HELQ: variants seen among roughly 807,000 people sequenced by gnomAD.
HELQ encodes the protein helicase POLQ-like.
A neutral mutation model predicts 111.6 loss-of-function variants in HELQ; 77 were observed. That is an observed-to-expected ratio of 0.69 (90% confidence interval 0.57 to 0.83). The LOEUF is 0.83. Ranked by LOEUF, HELQ falls within the 40% of genes least tolerant of loss-of-function variation. The pLI is 0.00. For synonymous variants in HELQ, 438 were observed against 454.7 expected, an observed-to-expected ratio of 0.96 and a Z score of 0.47; for missense variants, 1,200 against 1,288.5, an observed-to-expected ratio of 0.93 and a Z score of 1.05.
chr4:83,441,203 T>C, intron 7 of HELQ, 102 bp downstream of exon 7: 2 of 673,510 alleles, frequency 3.0e-6, no homozygotes, highest in South Asian at 1.8e-5. Context: ...ATCAGCTGTT[T>C]CTCTGAAAAA....
chr4:83,455,834 G>T (rs915795717), upstream of HELQ: 1 of 874,452 alleles, frequency 1.1e-6, no homozygotes. Flanking sequence ...AGGGCTCGCG[G>T]ACCGGAAGCA....
At chr4:83,450,802 C>A (rs930017257) in intron 2 of HELQ, among the ~76,000 whole-genome samples, 17 of 152,034 alleles carry the variant, frequency 1.1e-4, no homozygotes, top group African/African-American at 3.4e-4. Context: ...CCTATCTCTA[C>A]AAAATATAAA....
At chr4:83,432,446 T>C (rs1336046009) in intron 9 of HELQ, among the ~76,000 whole-genome samples, 179 bp from the exon 10 acceptor site, 1 of 151,752 alleles carries the variant, frequency 6.6e-6, no homozygotes, top group Non-Finnish European at 1.5e-5. Flanking sequence ...TCTATAATTC[T>C]TACAAAACTC....
rs991982970 is a variant in HELQ at position 83,412,026 on chromosome 4, G to T, written c.3199-4466C>A. On this transcript the variant is annotated intron_variant, in intron 17 of 17. Transcript: ENST00000295488. ...ACCTAGCAGCAAACATGGGTTTATT[G>T]CTTATGGAAAAGGGAGAATGACTCA... Among the ~76,000 whole-genome samples the T allele has an allele frequency of 5.0e-4, 76 of 152,158 alleles. 1 individual carries two copies. Among genetic ancestry groups the T allele is most frequent in the African/African-American group, 1.7e-3 (72 of 41,438 alleles).
At chr4:83,447,148 G>C in intron 3 of HELQ, 113 bp from the exon 4 acceptor site, 1 of 694,852 alleles carries the variant, frequency 1.4e-6, no homozygotes, top group Non-Finnish European at 2.4e-6. Context: ...AGGAAGGTGA[G>C]ACCAGCCTGG....
At chr4:83,447,097 C>A (rs1176324685) in intron 3 of HELQ, 62 bp from the exon 4 acceptor site, 1 of 748,030 alleles carries the variant, frequency 1.3e-6, no homozygotes, top group South Asian at 1.8e-5. Flanking sequence ...CCTGTAATCC[C>A]AGTACCTTGG....
intron 1 of HELQ, 51 bp downstream of exon 1, chr4:83,455,346 T>C (rs906629768): frequency 6.3e-7 from 1 of 1,588,414 alleles, no homozygotes; most frequent in African/African-American, 1.3e-5. Flanking sequence ...ACTCTTTGCA[T>C]CTGGGAAGGA....
intron 15 of HELQ, among the ~76,000 whole-genome samples, chr4:83,420,963 C>T (rs993680306): frequency 1.4e-4 from 22 of 151,962 alleles, no homozygotes; most frequent in Admixed American, 2.6e-4. Context: ...TGTGCCACCA[C>T]GCCTGGCTAA....
intron 16 of HELQ, 32 bp from the exon 17 acceptor site, chr4:83,416,897 T>C (rs1375788486): frequency 6.4e-7 from 1 of 1,554,010 alleles, no homozygotes; most frequent in Non-Finnish European, 8.7e-7. Flanking sequence ...AGTAGGATAA[T>C]AGTTTGGGAT....
intron 12 of HELQ, among the ~76,000 whole-genome samples, chr4:83,427,931 T>C (rs540594527): frequency 2.0e-5 from 3 of 152,288 alleles, no homozygotes; most frequent in East Asian, 1.9e-4. Context: ...TTTTGGGGAA[T>C]CTAATCCAGA....
intron 17 of HELQ, among the ~76,000 whole-genome samples, chr4:83,410,596 C>T (rs1739034538): frequency 6.6e-6 from 1 of 152,076 alleles, no homozygotes; most frequent in African/African-American, 2.4e-5. Flanking sequence ...AAGAGGAAGA[C>T]TATATAGCAA....
At chr4:83,444,777 T>G (rs746564086) in intron 5 of HELQ, among the ~76,000 whole-genome samples, 1 of 152,148 alleles carries the variant, frequency 6.6e-6, no homozygotes, top group Non-Finnish European at 1.5e-5. Flanking sequence ...GAGGTGGGCA[T>G]GGGGTCAAAT....
chr4:83,408,592 T>G (rs1738920181), intron 17 of HELQ, among the ~76,000 whole-genome samples: 1 of 151,558 alleles, frequency 6.6e-6, no homozygotes, highest in African/African-American at 2.4e-5. Context: ...AAAAGCTTTT[T>G]TTGTAGAGAC....
At chr4:83,440,703 T>A (rs1426147475) in intron 7 of HELQ, among the ~76,000 whole-genome samples, 1 of 152,182 alleles carries the variant, frequency 6.6e-6, no homozygotes, top group Non-Finnish European at 1.5e-5. Context: ...CTGAACTACA[T>A]GGTCCATAAA....
Position 83,421,642 on chromosome 4 carries a change from A to C in HELQ, c.2870T>G (p.Phe957Cys), listed in dbSNP as rs759942417. The change falls in exon 15 of 18, where the codon TTT (phenylalanine) becomes TGT (cysteine). Residue 957 changes from phenylalanine to cysteine, a missense_variant. Around this residue, in one of 3 missense-constraint regions of HELQ, gnomAD observed 585 missense variants for 665.3 expected, o/e 0.88. Coordinates refer to ENST00000295488, the MANE Select transcript of HELQ (RefSeq NM_133636.5). ...ETNIWTVSEKFNMPRGYIQNL... is the reference protein window; with the variant it reads ...ETNIWTVSEKCNMPRGYIQNL... Reference sequence around the variant, plus strand: ...TTGTATATATCCTCGAGGCATATTAAATTTTTCAGATACAGTCCAAATGTT... The same window carrying C: ...TTGTATATATCCTCGAGGCATATTACATTTTTCAGATACAGTCCAAATGTT... 3.7e-6 allele frequency: 6 copies of C among 1,613,446 alleles called. No homozygotes were observed. The African/African-American group carries it at 8.0e-5, about 22-fold the overall frequency.
chr4:83,427,695 G>C lies in HELQ; in HGVS notation c.2544C>G (p.Asp848Glu), dbSNP rs1180481061. Residue 848 changes from aspartate to glutamate, a missense_variant, in exon 13 of 18, where the codon GAC becomes GAG. Asp to Glu is a conservative substitution (Grantham distance 45). This residue lies in a region of HELQ where 585 missense variants were observed against 665.3 expected (regional missense o/e 0.88). Coordinates refer to ENST00000295488, the MANE Select transcript of HELQ (RefSeq NM_133636.5). ...FKGTIDLAYC[D>E]ILYRDLKKGL... ...CTTTCTTCAAGTCTCTGTACAGAAT[G>C]TCACAATAAGCTAAATCTATAGTTC... The C allele has an allele frequency of 1.3e-6, 2 of 1,567,506 alleles. No individual in the cohort carries two copies. The highest frequency in any genetic ancestry group is 1.7e-6 in the Non-Finnish European group (2 of 1,161,248).
intron 2 of HELQ, among the ~76,000 whole-genome samples, chr4:83,450,128 C>T (rs149459176): frequency 0.013 from 1,792 of 143,146 alleles, 27 homozygotes; most frequent in African/African-American, 0.044. Context: ...GGGTAAAGGC[C>T]GAATGAATTA....
rs1721558357 is a variant in HELQ, at chr4:83,453,937, G to A, written c.306C>T (p.Asp102=). Residue 102 remains aspartate (D), a synonymous_variant, in exon 2 of 18, where the codon GAC becomes GAT. Coordinates refer to ENST00000295488, the MANE Select transcript of HELQ (RefSeq NM_133636.5). ...TDRGVGDQPN[D]SEVDMFGDYD... ...AGTCACCAAACATGTCCACTTCACT[G>A]TCATTAGGCTGCAAAGAGAACAAAA... 1.3e-6 allele frequency: 2 copies of A among 1,592,194 alleles called. No individual in the cohort carries two copies. The highest frequency in any genetic ancestry group is 4.5e-5 in the East Asian group (2 of 44,744).
chr4:83,417,801 G>A (rs192015597), intron 16 of HELQ, among the ~76,000 whole-genome samples: 1 of 152,054 alleles, frequency 6.6e-6, no homozygotes, highest in East Asian at 1.9e-4. Flanking sequence ...GAGGAAGGAA[G>A]AAGTGTTAAG....
Sources: allele counts gnomAD v4.1 joint callset (sites outside exome capture counted in the v4.1 genomes callset), GRCh38; gene constraint gnomAD v4.1.1; regional missense constraint gnomAD v4.1.1; transcripts MANE v1.5; gene names NCBI Gene and HGNC (gene_info 2026-07-23, HGNC 2026-07-21).